SLC6A11: variants seen among roughly 807,000 people sequenced by gnomAD.
SLC6A11 encodes sodium- and chloride-dependent GABA transporter 3.
In SLC6A11, 25 loss-of-function variants were observed where a neutral mutation model predicts 74.8. That is an observed-to-expected ratio of 0.33 (90% CI 0.24 to 0.47). The LOEUF (loss-of-function observed/expected upper bound fraction) is 0.47, where lower values mean the gene tolerates loss of function less well. Among genes scored for constraint, SLC6A11 ranks in the 20% least tolerant of loss-of-function variants. The pLI, the probability that SLC6A11 is intolerant of heterozygous loss-of-function variation, is 1.00. For missense variants in SLC6A11, 574 were observed against 837.0 expected (o/e 0.69, Z 3.88); for synonymous variants, 330 against 330.2 (o/e 1.00, Z 0.01).
chr3:10,873,574 C>G (rs1694863018), intron 5 of SLC6A11, among the ~76,000 whole-genome samples: 2 of 123,918 alleles, frequency 1.6e-5, no homozygotes, highest in African/African-American at 6.7e-5. Context: ...CCTACCCTAC[C>G]CTACCCTACG....
rs1280471790 is a variant in SLC6A11, at chr3:10,844,249, A to G, written c.659A>G (p.His220Arg). The change falls in exon 5 of 14, where the codon CAC (histidine) becomes CGC (arginine). Residue 220 changes from histidine to arginine, a missense_variant. This residue lies in a region of SLC6A11 where 215 missense variants were observed against 357.9 expected (regional missense o/e 0.60). Coordinates refer to ENST00000254488, the MANE Select transcript of SLC6A11 (RefSeq NM_014229.3). ...CTGGCCATCTCTGACGGGATCGAGC[A>G]CATCGGGAACCTTCGCTGGGAGCTG... Reference protein sequence around the residue: ...RVLAISDGIEHIGNLRWELAL... With the variant: ...RVLAISDGIERIGNLRWELAL... 3.7e-6 allele frequency: 6 copies of G among 1,614,210 alleles called. No homozygotes were observed. Among genetic ancestry groups the G allele is most frequent in the Non-Finnish European group, 5.1e-6 (6 of 1,180,034 alleles).
intron 4 of SLC6A11, among the ~76,000 whole-genome samples, chr3:10,836,645 A>G (rs1694370747): frequency 1.3e-5 from 2 of 152,216 alleles, no homozygotes; most frequent in Non-Finnish European, 2.9e-5. Flanking sequence ...AAGCTGTACA[A>G]ATGTATTTGT....
chr3:10,836,469 T>A (rs1469380616), intron 4 of SLC6A11, among the ~76,000 whole-genome samples: 1 of 152,238 alleles, frequency 6.6e-6, no homozygotes, highest in Non-Finnish European at 1.5e-5. Context: ...TTCCCACCAG[T>A]AATATACGAG....
chr3:10,920,914 C>G (rs1695529416), intron 8 of SLC6A11, among the ~76,000 whole-genome samples: 1 of 152,146 alleles, frequency 6.6e-6, no homozygotes, highest in Admixed American at 6.5e-5. Context: ...AGGAGTCTGC[C>G]AATTGGAGAA....
At chr3:10,818,729 C>T (rs1575663289) in intron 1 of SLC6A11, among the ~76,000 whole-genome samples, 1 of 152,198 alleles carries the variant, frequency 6.6e-6, no homozygotes, top group Non-Finnish European at 1.5e-5. Context: ...TTGGAAAAAT[C>T]CCCATTCTGG....
intron 8 of SLC6A11, among the ~76,000 whole-genome samples, chr3:10,920,738 T>C (rs17033650): frequency 0.038 from 5,811 of 152,298 alleles, 230 homozygotes; most frequent in East Asian, 0.16. Context: ...GAGGACCTTG[T>C]AGCTGAGAAA....
chr3:10,832,638 C>T (rs1694312336), intron 4 of SLC6A11, among the ~76,000 whole-genome samples: 2 of 152,170 alleles, frequency 1.3e-5, no homozygotes, highest in South Asian at 4.1e-4. Flanking sequence ...TAAGAGAGAA[C>T]TCTGTTCACA....
At chr3:10,933,925 C>T (rs142213453) in intron 11 of SLC6A11, 141 bp from the exon 12 acceptor site, 665 of 590,682 alleles carry the variant, frequency 1.1e-3, no homozygotes, top group Non-Finnish European at 1.7e-3. Flanking sequence ...ACATCTCGGT[C>T]GTTGTTTAAG....
chr3:10,883,763 T>C (rs940804570), intron 6 of SLC6A11, among the ~76,000 whole-genome samples: 7 of 152,176 alleles, frequency 4.6e-5, no homozygotes, highest in Admixed American at 2.0e-4. Context: ...CTTCTGGCTG[T>C]TGGACTTTCA....
At chr3:10,876,781 AG>A (rs1559568406) in intron 6 of SLC6A11, among the ~76,000 whole-genome samples, 10 of 110,854 alleles carry the variant, frequency 9.0e-5, no homozygotes, top group East Asian at 3.0e-4. Flanking sequence ...AGAGAGAGAG[AG>A]AGAAAAAAAA....
chr3:10,929,803 G>A (rs1695661484), intron 10 of SLC6A11, among the ~76,000 whole-genome samples: 1 of 152,156 alleles, frequency 6.6e-6, no homozygotes, highest in Non-Finnish European at 1.5e-5. Context: ...ACCAGCCTGG[G>A]ACTTCTATGC....
intron 6 of SLC6A11, among the ~76,000 whole-genome samples, chr3:10,901,507 C>T (rs1695240015): frequency 6.6e-6 from 1 of 152,238 alleles, no homozygotes; most frequent in Non-Finnish European, 1.5e-5. Context: ...GGGCCGGCTG[C>T]CCAGGGAAGG....
At chr3:10,902,844 C>T (rs950627437) in intron 6 of SLC6A11, among the ~76,000 whole-genome samples, 1 of 152,212 alleles carries the variant, frequency 6.6e-6, no homozygotes, top group African/African-American at 2.4e-5. Flanking sequence ...AGTGACTCCT[C>T]ACGCTGGCCA....
At chr3:10,894,444 G>A (rs1163997797) in intron 6 of SLC6A11, among the ~76,000 whole-genome samples, 6 of 152,320 alleles carry the variant, frequency 3.9e-5, no homozygotes, top group Admixed American at 2.0e-4. Context: ...AGATAAGAGC[G>A]TTTGGCTCCA....
Position 10,888,742 on chromosome 3 carries a change from G to A in SLC6A11, c.891+13647G>A, listed in dbSNP as rs147471732. Reference sequence around the variant, plus strand: ...ACCTTGGAGAGTCATGAGCTGAGCTGTGCCAGCACAAAAGAGGAACAACCA... The same window carrying A: ...ACCTTGGAGAGTCATGAGCTGAGCTATGCCAGCACAAAAGAGGAACAACCA... On this transcript the variant is annotated intron_variant, in intron 6 of 13. Coordinates refer to ENST00000254488, the MANE Select transcript of SLC6A11 (RefSeq NM_014229.3). 4.6e-5 allele frequency among the ~76,000 whole-genome samples: 7 copies of A among 152,330 alleles called. No individual in the cohort carries two copies. The East Asian group carries it at 1.4e-3, about 29-fold the overall frequency.
In SLC6A11 at chr3:10,902,232, C is replaced by G. The variant is rs183493738; in HGVS notation, c.892-9858C>G. ...GCCCATACCCCATGTACTGTTGGGT[C>G]TGACGGTTTTCACACATCTTCTTGG... On this transcript the variant is annotated intron_variant, in intron 6 of 13. Coordinates refer to ENST00000254488, the MANE Select transcript of SLC6A11 (RefSeq NM_014229.3). 5.5e-3 allele frequency among the ~76,000 whole-genome samples: 836 copies of G among 152,364 alleles called. 6 individuals carry two copies. The highest frequency in any genetic ancestry group is 7.4e-3 in the Non-Finnish European group (502 of 68,030).
chr3:10,821,440 C>T (rs1187989752), intron 3 of SLC6A11, among the ~76,000 whole-genome samples: 1 of 152,178 alleles, frequency 6.6e-6, no homozygotes. Flanking sequence ...GAGAATGCAA[C>T]ACACCATAGG....
At chr3:10,839,714 G>C (rs548129121) in intron 4 of SLC6A11, among the ~76,000 whole-genome samples, 28 of 152,208 alleles carry the variant, frequency 1.8e-4, no homozygotes, top group Non-Finnish European at 3.4e-4. Context: ...CGGAGACCCA[G>C]TAGCCTCTGG....
chr3:10,841,818 C>CGT (rs371709858), intron 4 of SLC6A11, among the ~76,000 whole-genome samples: 10 of 151,856 alleles, frequency 6.6e-5, no homozygotes, highest in East Asian at 1.9e-4. Context: ...TGTGTGTGTG[C>CGT]GTGTGTGTGT....
Sources: allele counts gnomAD v4.1 joint callset (sites outside exome capture counted in the v4.1 genomes callset), GRCh38; gene constraint gnomAD v4.1.1; regional missense constraint gnomAD v4.1.1; transcripts MANE v1.5; gene names NCBI Gene and HGNC (gene_info 2026-07-23, HGNC 2026-07-21).